Variants in CEP112 observed in about 807,000 individuals in gnomAD.
CEP112 encodes centrosomal protein of 112 kDa.
In CEP112, 127 loss-of-function variants were observed where a neutral mutation model predicts 153.0. The ratio of observed to expected loss-of-function variants is 0.83; its 90% CI spans 0.72 to 0.96. The LOEUF is 0.96. Among genes scored for constraint, CEP112 ranks in the 40% least tolerant of loss-of-function variants. CEP112 has a pLI of 0.00. For missense variants in CEP112, 1,089 were observed against 1,101.2 expected (o/e 0.99, Z 0.16); for synonymous variants, 358 against 374.4 (o/e 0.96, Z 0.51).
chr17:65,742,332 C>T (rs1378012320), intron 23 of CEP112, among the ~76,000 whole-genome samples: 1 of 152,094 alleles, frequency 6.6e-6, no homozygotes, highest in Non-Finnish European at 1.5e-5. Flanking sequence ...TAATCTTTTG[C>T]TGGGAATTCT....
chr17:65,932,220 C>T (rs2061151066), intron 18 of CEP112, among the ~76,000 whole-genome samples: 1 of 152,178 alleles, frequency 6.6e-6, no homozygotes, highest in Non-Finnish European at 1.5e-5. Flanking sequence ...TCACTATCAG[C>T]TGGTCCATCC....
intron 21 of CEP112, among the ~76,000 whole-genome samples, chr17:65,759,866 C>T (rs766935211): frequency 7.2e-5 from 11 of 152,184 alleles, no homozygotes; most frequent in East Asian, 3.9e-4. Context: ...CATTTCACCC[C>T]GATAAATCTG....
intron 23 of CEP112, among the ~76,000 whole-genome samples, chr17:65,699,471 T>C (rs1185143442): frequency 6.6e-6 from 1 of 152,222 alleles, no homozygotes; most frequent in Non-Finnish European, 1.5e-5. Flanking sequence ...TGTTTTTTAA[T>C]AATAACACAT....
chr17:65,968,900 T>A (rs925974853), intron 17 of CEP112, among the ~76,000 whole-genome samples: 2 of 152,196 alleles, frequency 1.3e-5, no homozygotes, highest in Non-Finnish European at 2.9e-5. Context: ...TTATAATAAG[T>A]ACTTATCGTA....
intron 19 of CEP112, among the ~76,000 whole-genome samples, chr17:65,912,708 G>A (rs1168272840): frequency 6.6e-6 from 1 of 152,116 alleles, no homozygotes; most frequent in Non-Finnish European, 1.5e-5. Context: ...TAAAGATGAA[G>A]GACAGTTCAA....
chr17:65,747,098 T>C (rs1413576968), intron 22 of CEP112, among the ~76,000 whole-genome samples: 2 of 151,848 alleles, frequency 1.3e-5, no homozygotes, highest in Non-Finnish European at 2.9e-5. Flanking sequence ...AAATAGGGGT[T>C]AGGATTTCAT....
intron 20 of CEP112, among the ~76,000 whole-genome samples, chr17:65,899,675 T>G (rs556729747): frequency 7.1e-6 from 1 of 141,372 alleles, no homozygotes; most frequent in South Asian, 2.2e-4. Context: ...TGTACTCATT[T>G]AAGAATCTGG....
intron 6 of CEP112, among the ~76,000 whole-genome samples, chr17:66,098,007 T>C (rs1461752479): frequency 6.6e-6 from 1 of 152,220 alleles, no homozygotes; most frequent in African/African-American, 2.4e-5. Context: ...TAAAGGTTTC[T>C]CCATTCATGG....
intron 17 of CEP112, among the ~76,000 whole-genome samples, chr17:65,989,858 A>G (rs2063534620): frequency 6.6e-6 from 1 of 152,212 alleles, no homozygotes; most frequent in Non-Finnish European, 1.5e-5. Context: ...TAATTGAGAC[A>G]ACATAAAGTC....
chr17:65,936,611 A>G (rs1004889542), intron 18 of CEP112, among the ~76,000 whole-genome samples: 1 of 152,208 alleles, frequency 6.6e-6, no homozygotes, highest in African/African-American at 2.4e-5. Flanking sequence ...TATCCCTGGG[A>G]TGCAAAAGTG....
intron 6 of CEP112, among the ~76,000 whole-genome samples, chr17:66,117,661 A>C (rs2069363360): frequency 6.6e-6 from 1 of 152,228 alleles, no homozygotes; most frequent in East Asian, 1.9e-4. Context: ...GCAAAAATGG[A>C]CAGATGGGGC....
At chr17:66,182,950 T>C (rs1280771247) in intron 2 of CEP112, among the ~76,000 whole-genome samples, 1 of 152,162 alleles carries the variant, frequency 6.6e-6, no homozygotes, top group Non-Finnish European at 1.5e-5. Flanking sequence ...GAGATCCATG[T>C]GCTATAAGTT....
intron 6 of CEP112, among the ~76,000 whole-genome samples, chr17:66,103,629 A>G (rs1475690358): frequency 6.7e-6 from 1 of 149,600 alleles, no homozygotes; most frequent in East Asian, 1.9e-4. Flanking sequence ...ATCAAATTGA[A>G]CAACTATTCA....
intron 19 of CEP112, among the ~76,000 whole-genome samples, chr17:65,905,304 A>G (rs546854066): frequency 3.4e-4 from 52 of 152,354 alleles, no homozygotes; most frequent in South Asian, 2.5e-3. Context: ...ATGAACAGAC[A>G]CTTCTCAAAA....
intron 1 of CEP112, among the ~76,000 whole-genome samples, chr17:66,183,649 T>C (rs2072808862): frequency 1.3e-5 from 2 of 152,054 alleles, no homozygotes; most frequent in South Asian, 4.1e-4. Context: ...GTGGAAAAGA[T>C]TAGAGAGTCC....
In CEP112 at chr17:65,828,102, A is replaced by G. The variant is rs550811429; in HGVS notation, c.2394+23702T>C. On this transcript the variant is annotated intron_variant, in intron 21 of 26. Transcript: ENST00000535342. ...CTCTGAGGGGACAGGAATATATGCC[A>G]TTTTGCTCACTGCTATATCCTAAGT... is the stretch of plus-strand genomic sequence containing the variant. 3.3e-5 allele frequency among the ~76,000 whole-genome samples: 5 copies of G among 152,338 alleles called. No homozygotes were observed. In the South Asian group the frequency reaches 1.0e-3, roughly 32 times the overall value.
At chr17:65,898,871 C>A (rs147776327) in intron 20 of CEP112, among the ~76,000 whole-genome samples, 26 of 152,168 alleles carry the variant, frequency 1.7e-4, no homozygotes, top group African/African-American at 6.3e-4. Context: ...ACAATCTCTA[C>A]GGTAGTCACA....
At position 65,974,591 on chromosome 17, in the gene CEP112, T is replaced by C. The variant is rs1476520036; in HGVS notation, c.1737-12993A>G. ...CAGCATCACATGCAACTGCAAATAT[T>C]GGGAACAACCTGTATACCCATATGT... On this transcript the variant is annotated intron_variant, in intron 17 of 26. Transcript: ENST00000535342. Among the ~76,000 whole-genome samples the C allele has an allele frequency of 3.3e-5, 5 of 152,316 alleles. No homozygotes were observed. In the East Asian group the frequency reaches 5.8e-4, roughly 18 times the overall value.
chr17:66,019,338 T>C (rs1425558254), intron 16 of CEP112, among the ~76,000 whole-genome samples: 7 of 152,050 alleles, frequency 4.6e-5, no homozygotes, highest in East Asian at 1.9e-4. Context: ...AAAAGCCCTA[T>C]ACATCCCATT....
Sources: gnomAD v4.1 joint callset for allele counts (sites outside exome capture counted in the v4.1 genomes callset) on GRCh38, gnomAD v4.1.1 for gene constraint, MANE v1.5 for transcripts, NCBI Gene and HGNC (gene_info 2026-07-23, HGNC 2026-07-21) for gene names.